ATM: variants seen among roughly 807,000 people sequenced by gnomAD.
The protein encoded by ATM is serine-protein kinase ATM.
ATM carries 308 observed loss-of-function variants against 387.0 expected under a neutral mutation model. That is an observed-to-expected ratio of 0.80 (90% CI 0.73 to 0.87). The LOEUF is 0.87. Among genes scored for constraint, ATM ranks in the 40% least tolerant of loss-of-function variants. The pLI is 0.00. For synonymous variants in ATM, 1,156 were observed against 1,187.3 expected, an observed-to-expected ratio of 0.97 and a Z score of 0.54; for missense variants, 3,312 against 3,560.9, an observed-to-expected ratio of 0.93 and a Z score of 1.78.
Position 108,244,065 on chromosome 11 carries a change from C to T in ATM, c.609C>T (p.Asp203=), listed in dbSNP as rs144709948. The change falls in exon 6 of 63, where the codon GAC becomes GAT. Residue 203 remains aspartate, a synonymous_variant. Transcript: ENST00000675843. The stretch of plus-strand genomic sequence containing the variant: ...CCAAAGGATGCTGTTCTCAGACTGA[C>T]GGATTAAATTCCAAATTTTTGGACT... ...AVTKGCCSQT[D]GLNSKFLDFF... 1.9e-3 allele frequency: 3,072 copies of T among 1,613,592 alleles called. 3 individuals carry two copies. The highest frequency in any genetic ancestry group is 2.3e-3 in the Non-Finnish European group (2,674 of 1,179,858).
Position 108,325,410 on chromosome 11 carries a change from G to A in ATM, c.6673G>A (p.Ala2225Thr), listed in dbSNP as rs1555119121. The stretch of plus-strand genomic sequence containing the variant: ...TTTTAGTTTTCAGGAGCCTATCATG[G>A]CTCTACGCACAGTCATTTTGGAGAT... ...SDFSFQEPIM[A>T]LRTVILEILM... Residue 2225 changes from alanine to threonine, a missense_variant, in exon 46 of 63, where the codon GCT becomes ACT. This residue lies in a region of ATM where 1,405 missense variants were observed against 1,604.4 expected (regional missense o/e 0.88). Coordinates refer to ENST00000675843, the MANE Select transcript of ATM (RefSeq NM_000051.4). 1 of 1,613,664 alleles carries A rather than the reference G, an allele frequency of 6.2e-7. No homozygotes were observed. Among genetic ancestry groups the A allele is most frequent in the Non-Finnish European group, 8.5e-7 (1 of 1,179,854 alleles).
chr11:108,256,729 C>T (rs530274013), intron 14 of ATM, among the ~76,000 whole-genome samples: 4 of 152,248 alleles, frequency 2.6e-5, no homozygotes, highest in African/African-American at 7.2e-5. Context: ...CATGTGTTCT[C>T]ATTGTTCAGC....
rs199954262 is a variant in ATM at position 108,259,005 on chromosome 11, C to T, written c.2396C>T (p.Ala799Val). ...TTGCAGAAGAGTCCAAATAAGATTG[C>T]ATCTGGCTTTTTCCTGCGATTGTTA... ...NCTKKSPNKI[A>V]SGFFLRLLTS... is the part of the protein sequence containing the mutation. Residue 799 changes from alanine to valine, a missense_variant, in exon 16 of 63, where the codon GCA becomes GTA. Ala to Val is a moderately conservative substitution (Grantham distance 64). Around this residue, in one of 4 missense-constraint regions of ATM, gnomAD observed 1,791 missense variants for 1,804.5 expected, o/e 0.99. Coordinates refer to ENST00000675843, the MANE Select transcript of ATM (RefSeq NM_000051.4). 39 of 1,613,542 alleles carry T rather than the reference C, an allele frequency of 2.4e-5. No individual in the cohort carries two copies. The highest frequency in any genetic ancestry group is 1.6e-4 in the Middle Eastern group (1 of 6,070).
chr11:108,288,459 G>T (rs1227490404), intron 27 of ATM, among the ~76,000 whole-genome samples: 2 of 136,092 alleles, frequency 1.5e-5, no homozygotes, highest in African/African-American at 2.7e-5. Flanking sequence ...CATCAGAGTT[G>T]TTTCCCTGGC....
chr11:108,316,080 C>A lies in ATM; in HGVS notation c.6165C>A (p.Ile2055=), dbSNP rs779848229. ...ALVTYDLETA[I]PSSTRQAGII... ...TAACATATGACCTCGAAACAGCAATCCCCTCATCAACACGCCAGGCAGGAA... is the reference window on the plus strand; with the variant it reads ...TAACATATGACCTCGAAACAGCAATACCCTCATCAACACGCCAGGCAGGAA... The change falls in exon 42 of 63, where the codon ATC becomes ATA. Residue 2055 remains isoleucine (I), a synonymous_variant. Transcript: ENST00000675843. The A allele has an allele frequency of 6.2e-7, 1 of 1,614,126 alleles. No individual in the cohort carries two copies. Among genetic ancestry groups the A allele is most frequent in the Non-Finnish European group, 8.5e-7 (1 of 1,180,000 alleles).
In ATM at chr11:108,335,921, C is replaced by T. The variant is rs730881321; in HGVS notation, c.8228C>T (p.Thr2743Met). The change falls in exon 56 of 63, where the codon ACG becomes ATG. Residue 2743 changes from threonine to methionine, a missense_variant. Thr to Met is a moderately conservative substitution (Grantham distance 81, BLOSUM62 -1). Coordinates refer to ENST00000675843, the MANE Select transcript of ATM (RefSeq NM_000051.4). ...QMCNTLLQRN[T>M]ETRKRKLTIC... Reference sequence around the variant, plus strand: ...TGTAATACATTACTGCAGAGAAACACGGAAACTAGGAAGAGGAAATTAACT... The same window carrying T: ...TGTAATACATTACTGCAGAGAAACATGGAAACTAGGAAGAGGAAATTAACT... 1.2e-5 allele frequency: 20 copies of T among 1,613,684 alleles called. No individual in the cohort carries two copies. The highest frequency in any genetic ancestry group is 1.6e-4 in the Middle Eastern group (1 of 6,084).
Position 108,250,700 on chromosome 11 carries a change from G to A in ATM, c.1236-1G>A, listed in dbSNP as rs1408719214. ...AAATTATCCTTTTTTTTTTTTTTTA[G>A]GCTACAGATTGCAACCCAATTAATA... On this transcript the variant is annotated splice_acceptor_variant, in intron 9 of 62. Transcript: ENST00000675843. LOFTEE classifies it high-confidence loss of function. The A allele has an allele frequency of 6.6e-7, 1 of 1,517,922 alleles. No homozygotes were observed. Among genetic ancestry groups the A allele is most frequent in the Non-Finnish European group, 8.8e-7 (1 of 1,132,126 alleles). 94.0% of individuals were successfully genotyped at this position (1,517,922 alleles called of 1,614,324 possible). A position where few individuals can be genotyped will look rare whatever the true frequency, so the allele number is the denominator to read the frequency against.
intron 15 of ATM, 49 bp downstream of exon 15, chr11:108,257,655 T>C (rs1485293939): frequency 6.4e-7 from 1 of 1,573,990 alleles, no homozygotes; most frequent in Non-Finnish European, 8.7e-7. Context: ...GATCTTTCTC[T>C]GTCACCCAGG....
In ATM at chr11:108,367,979, A is replaced by G. The variant is rs1326030011; in HGVS notation, c.*2471A>G. ...TGGGTGAAATTAGAAATTATCAACT[A>G]GATAATAGTATAGATAAATGAATTT... On this transcript the variant is annotated 3_prime_UTR_variant, in exon 63 of 63. Coordinates refer to ENST00000675843, the MANE Select transcript of ATM (RefSeq NM_000051.4). 1.5e-5 allele frequency: 3 copies of G among 205,130 alleles called. No homozygotes were observed. Among genetic ancestry groups the G allele is most frequent in the Non-Finnish European group, 1.0e-5 (1 of 100,180 alleles). The allele number at this position is 205,130 out of a possible 1,614,324, so 12.7% of individuals were successfully genotyped here. A position where few individuals can be genotyped will look rare whatever the true frequency, so the allele number is the denominator to read the frequency against.
intron 30 of ATM, 93 bp downstream of exon 30, chr11:108,292,886 G>T (rs1018544167): frequency 1.6e-5 from 23 of 1,439,584 alleles, no homozygotes; most frequent in Non-Finnish European, 2.1e-5. Context: ...GGTATAATTG[G>T]TGATTTTATT....
rs1234197005 is a variant in ATM, at chr11:108,229,043, GT to G, written c.186-128del. 5 of 824,816 alleles carry G rather than the reference GT, an allele frequency of 6.1e-6. No individual in the cohort carries two copies. In the African/African-American group the frequency reaches 7.0e-5, roughly 12 times the overall value. The allele number at this position is 824,816 out of a possible 1,614,324, so 51.1% of individuals were successfully genotyped here. ...AAAGAGAGATTTAATTGTTTTATTT[GT>G]TTTTTTCAGCTGATGTAGTAATCTA... On this transcript the variant is annotated intron_variant, in intron 3 of 62. Coordinates refer to ENST00000675843, the MANE Select transcript of ATM (RefSeq NM_000051.4).
chr11:108,256,197 T>C lies in ATM; in HGVS notation c.2125-18T>C. On this transcript the variant is annotated intron_variant, in intron 13 of 62. Transcript: ENST00000675843. ...TATTTATGAAATATATATATTTTTA[T>C]TTGTGGTTTACTTTAAGATTACAAA... 6.4e-7 allele frequency: 1 copy of C among 1,574,756 alleles called. No individual in the cohort carries two copies. The highest frequency in any genetic ancestry group is 2.3e-5 in the East Asian group (1 of 43,672).
chr11:108,235,770 A>G lies in ATM; in HGVS notation c.432A>G (p.Ile144Met), dbSNP rs772173522. The change falls in exon 5 of 63, where the codon ATA becomes ATG. Residue 144 changes from isoleucine to methionine, a missense_variant. By Grantham distance (10) the Ile-to-Met change is conservative. Transcript: ENST00000675843. ...TTTACGGAGCTGATTGTAGCAACAT[A>G]CTACTCAAAGACATTCTTTCTGTGA... ...GAIYGADCSN[I>M]LLKDILSVRK... 2.5e-6 allele frequency: 4 copies of G among 1,613,722 alleles called. No homozygotes were observed. The South Asian group carries it at 3.3e-5, about 13-fold the overall frequency.
At chr11:108,305,425 C>T (rs1434011251) in intron 37 of ATM, among the ~76,000 whole-genome samples, 6 of 151,938 alleles carry the variant, frequency 3.9e-5, no homozygotes, top group Non-Finnish European at 5.9e-5. Context: ...ACTAAAAATA[C>T]AAAAATTAGC....
chr11:108,315,467 A>AATGTG (rs1219210830), intron 40 of ATM, among the ~76,000 whole-genome samples: 9 of 152,184 alleles, frequency 5.9e-5, no homozygotes, highest in African/African-American at 2.2e-4. Flanking sequence ...CAAATGATGG[A>AATGTG]ATGTGTAGAC....
chr11:108,314,776 G>A (rs1402401819), intron 40 of ATM, among the ~76,000 whole-genome samples: 1 of 152,132 alleles, frequency 6.6e-6, no homozygotes, highest in Non-Finnish European at 1.5e-5. Context: ...ATTATATACT[G>A]TATTCTTAAA....
intron 55 of ATM, chr11:108,335,404 C>G: frequency 6.8e-6 from 5 of 738,206 alleles, no homozygotes; most frequent in Non-Finnish European, 1.0e-5. Context: ...TGGTGTCTGT[C>G]TCTTATTTCC....
intron 34 of ATM, among the ~76,000 whole-genome samples, chr11:108,301,084 T>G (rs1423949991): frequency 6.6e-6 from 1 of 152,108 alleles, no homozygotes. Context: ...ATTTTTTAAA[T>G]GTATATCAAG....
At position 108,327,748 on chromosome 11, in the gene ATM, ATCTAGAAAAGG is replaced by A; in HGVS notation, c.7081_7089+2del. Reference sequence around the variant, plus strand: ...AATCCTGCGGTCATCATGCAGACCTATCTAGAAAAGGTAAGATTTTTGGAGCAACCCTTAAG... The same window carrying A: ...AATCCTGCGGTCATCATGCAGACCTATAAGATTTTTGGAGCAACCCTTAAG... On this transcript the variant is annotated splice_donor_variant and coding_sequence_variant, in exon 48 of 63. Transcript: ENST00000675843. LOFTEE classifies it high-confidence loss of function. 1 of 1,613,572 alleles carries A rather than the reference ATCTAGAAAAGG, an allele frequency of 6.2e-7. No individual in the cohort carries two copies. Among genetic ancestry groups the A allele is most frequent in the Non-Finnish European group, 8.5e-7 (1 of 1,179,548 alleles).
Sources: allele counts gnomAD v4.1 joint callset (sites outside exome capture counted in the v4.1 genomes callset), GRCh38; gene constraint gnomAD v4.1.1; regional missense constraint gnomAD v4.1.1; transcripts MANE v1.5; gene names NCBI Gene and HGNC (gene_info 2026-07-23, HGNC 2026-07-21).